The following RHOBTB3 variants were observed in gnomAD, a reference collection of about 807,000 sequenced individuals.
The protein encoded by RHOBTB3 is Rho related BTB domain containing 3.
A neutral mutation model predicts 67.2 loss-of-function variants in RHOBTB3; 47 were observed. The observed-to-expected ratio is 0.70, with a 90% CI of 0.55 to 0.89. The LOEUF is 0.89. Ranked by LOEUF, RHOBTB3 falls within the 40% of genes least tolerant of loss-of-function variation. The probability of loss-of-function intolerance (pLI) is 0.00; values close to 1 mark genes in which losing one functional copy is unlikely to be tolerated. For synonymous variants in RHOBTB3, 273 were observed against 274.2 expected (o/e 1.00, Z 0.04); for missense variants, 631 against 750.0 (o/e 0.84, Z 1.85).
Position 95,791,097 on chromosome 5 carries a change from G to A in RHOBTB3, c.1721-1962G>A, listed in dbSNP as rs557273992. Among the ~76,000 whole-genome samples, 42 of 152,196 alleles carry A rather than the reference G, an allele frequency of 2.8e-4. No individual in the cohort carries two copies. In the South Asian group the frequency reaches 8.7e-3, roughly 32 times the overall value. On this transcript the variant is annotated intron_variant, in intron 11 of 11. Transcript: ENST00000379982. Reference sequence around the variant, plus strand: ...AGTTTCTTGTCACGGTCACTCTACAGCTTCCTTATAGAACTGTCCATCTTC... The same window carrying A: ...AGTTTCTTGTCACGGTCACTCTACAACTTCCTTATAGAACTGTCCATCTTC...
chr5:95,753,431 TTAAAA>T (rs1210715858), intron 5 of RHOBTB3, among the ~76,000 whole-genome samples: 3 of 152,304 alleles, frequency 2.0e-5, no homozygotes, highest in Non-Finnish European at 4.4e-5. Flanking sequence ...CAAATAAACT[TTAAAA>T]TAAATAAATT....
At chr5:95,754,959 T>C (rs532869288) in intron 5 of RHOBTB3, among the ~76,000 whole-genome samples, 2 of 152,204 alleles carry the variant, frequency 1.3e-5, no homozygotes, top group Non-Finnish European at 2.9e-5. Context: ...TTGGAACTTA[T>C]TCAGTACTTT....
At chr5:95,761,256 A>C (rs1369806517) in intron 6 of RHOBTB3, among the ~76,000 whole-genome samples, 3 of 152,128 alleles carry the variant, frequency 2.0e-5, no homozygotes, top group Non-Finnish European at 4.4e-5. Context: ...GAGTGCAGAC[A>C]TAAAAAATAC....
intron 3 of RHOBTB3, among the ~76,000 whole-genome samples, chr5:95,741,144 C>T (rs1262146767): frequency 2.0e-5 from 3 of 151,990 alleles, no homozygotes; most frequent in East Asian, 1.9e-4. Context: ...CTGGCTAACA[C>T]GGTGAAACCC....
chr5:95,740,804 A>T (rs1038794447), intron 3 of RHOBTB3, among the ~76,000 whole-genome samples: 3 of 152,198 alleles, frequency 2.0e-5, no homozygotes, highest in Non-Finnish European at 4.4e-5. Context: ...CAAAATTTCA[A>T]ACCTAAGAAA....
At chr5:95,732,191 C>T (rs1331526743) in intron 2 of RHOBTB3, 107 bp downstream of exon 2, 2 of 983,260 alleles carry the variant, frequency 2.0e-6, no homozygotes, top group Admixed American at 2.0e-5. Context: ...GTCCGCGTTA[C>T]ATGGGTCAAA....
At chr5:95,739,019 T>G (rs1427758818) in intron 3 of RHOBTB3, among the ~76,000 whole-genome samples, 1 of 152,190 alleles carries the variant, frequency 6.6e-6, no homozygotes, top group African/African-American at 2.4e-5. Flanking sequence ...TTCTTACTCT[T>G]CAGCCAAACC....
rs1309766597 is a variant in RHOBTB3 at position 95,783,835 on chromosome 5, G to A, written c.1495G>A (p.Glu499Lys). The change falls in exon 10 of 12, where the codon GAG (glutamate) becomes AAG (lysine). Residue 499 changes from glutamate (E) to lysine (K), a missense_variant. By Grantham distance (56) the Glu-to-Lys change is moderately conservative (BLOSUM62 1). Coordinates refer to ENST00000379982, the MANE Select transcript of RHOBTB3 (RefSeq NM_014899.4). ...GGCCATGTGTCTCCTGATCTGTGCC[G>A]AGATGTACCAAGTGTCCAGACTGCA... ...FQAMCLLICA[E>K]MYQVSRLQHI... 2.5e-6 allele frequency: 4 copies of A among 1,613,432 alleles called. No individual in the cohort carries two copies. The highest frequency in any genetic ancestry group is 1.7e-5 in the Admixed American group (1 of 59,962).
chr5:95,720,422 A>G (rs1215095703), intron 1 of RHOBTB3, among the ~76,000 whole-genome samples: 1 of 152,234 alleles, frequency 6.6e-6, no homozygotes, highest in East Asian at 1.9e-4. Context: ...GGACTGAGGA[A>G]TTTATATTAG....
At chr5:95,730,813 A>C (rs1375326386), upstream of RHOBTB3, 1 of 446,388 alleles carries the variant, frequency 2.2e-6, no homozygotes, top group Non-Finnish European at 4.5e-6. Flanking sequence ...CAGCAGCATG[A>C]ATGTTGCCTT....
At chr5:95,751,905 A>T (rs958154177) in intron 4 of RHOBTB3, among the ~76,000 whole-genome samples, 2 of 152,200 alleles carry the variant, frequency 1.3e-5, no homozygotes, top group Non-Finnish European at 2.9e-5. Flanking sequence ...CATCGTGTAT[A>T]TGCGCCACGT....
upstream of RHOBTB3, chr5:95,730,863 G>A: frequency 2.2e-6 from 1 of 455,750 alleles, no homozygotes; most frequent in Non-Finnish European, 4.4e-6. Context: ...AACAGCTGTA[G>A]CGCATGTTGA....
chr5:95,782,406 G>A (rs993227776), intron 9 of RHOBTB3: 20 of 152,294 alleles, frequency 1.3e-4, no homozygotes, highest in Middle Eastern at 3.4e-3. Context: ...AGTGTTTATT[G>A]GGTACAGAGT....
intron 7 of RHOBTB3, 167 bp from the exon 8 acceptor site, chr5:95,767,879 C>T: frequency 4.1e-6 from 3 of 734,240 alleles, no homozygotes; most frequent in African/African-American, 1.7e-5. Context: ...GCAGCCCATA[C>T]AGTTCTTAAA....
chr5:95,748,538 T>A, intron 4 of RHOBTB3, 51 bp downstream of exon 4: 1 of 1,432,076 alleles, frequency 7.0e-7, no homozygotes, highest in African/African-American at 1.4e-5. Flanking sequence ...GTTGCCTCTT[T>A]AGGTATTTTG....
rs142758284 is a variant in RHOBTB3 at position 95,737,828 on chromosome 5, G to T, written c.415+753G>T. Among the ~76,000 whole-genome samples the T allele has an allele frequency of 1.7e-3, 264 of 152,302 alleles. 2 individuals carry two copies. Among genetic ancestry groups the T allele is most frequent in the African/African-American group, 5.8e-3 (243 of 41,558 alleles). The stretch of plus-strand genomic sequence containing the variant: ...AGCCACGCAACCCACATACATCAAG[G>T]TATAGAACATTTGCAGCACTTGAGA... On this transcript the variant is annotated intron_variant, in intron 3 of 11. Coordinates refer to ENST00000379982, the MANE Select transcript of RHOBTB3 (RefSeq NM_014899.4).
At chr5:95,782,626 G>C (rs984811835) in intron 9 of RHOBTB3, 9 of 152,112 alleles carry the variant, frequency 5.9e-5, no homozygotes, top group Non-Finnish European at 1.2e-4. Flanking sequence ...GGCTAACACG[G>C]TGAAACCCCG....
intron 8 of RHOBTB3, among the ~76,000 whole-genome samples, chr5:95,777,801 T>C (rs770486296): frequency 3.9e-5 from 6 of 152,138 alleles, no homozygotes; most frequent in Admixed American, 6.5e-5. Flanking sequence ...ATTCCAACCT[T>C]GAAATAGGCT....
At chr5:95,750,727 C>T (rs1745065903) in intron 4 of RHOBTB3, among the ~76,000 whole-genome samples, 1 of 152,074 alleles carries the variant, frequency 6.6e-6, no homozygotes, top group Admixed American at 6.6e-5. Flanking sequence ...CACCCCTAGG[C>T]CTGCGGGGTG....
Sources: gnomAD v4.1 joint callset for allele counts (sites outside exome capture counted in the v4.1 genomes callset) on GRCh38, gnomAD v4.1.1 for gene constraint, MANE v1.5 for transcripts, NCBI Gene and HGNC (gene_info 2026-07-23, HGNC 2026-07-21) for gene names.